SPINK2: variants seen among roughly 807,000 people sequenced by gnomAD.
The protein encoded by SPINK2 is serine peptidase inhibitor Kazal type 2, also known as serine protease inhibitor Kazal-type 2.
Under a neutral mutation model 13.5 loss-of-function variants are expected in SPINK2, and 8 were observed. The ratio of observed to expected loss-of-function variants is 0.59; its 90% CI spans 0.35 to 1.07. The LOEUF (loss-of-function observed/expected upper bound fraction) is 1.07. Among genes scored for constraint, SPINK2 ranks in the 50% least tolerant of loss-of-function variants. The probability of loss-of-function intolerance (pLI) is 0.02; values close to 1 mark genes in which losing one functional copy is unlikely to be tolerated. For missense variants in SPINK2, 148 were observed against 180.3 expected, an observed-to-expected ratio of 0.82 and a Z score of 1.03; for synonymous variants, 76 against 74.7, an observed-to-expected ratio of 1.02 and a Z score of -0.09.
intron 2 of SPINK2, among the ~76,000 whole-genome samples, chr4:56,815,651 G>A (rs563752404): frequency 6.6e-6 from 1 of 152,178 alleles, no homozygotes; most frequent in South Asian, 2.1e-4. Context: ...AGTAAGCTGA[G>A]ATTGTACCAC....
At chr4:56,819,702 G>A (rs888301392) in intron 2 of SPINK2, among the ~76,000 whole-genome samples, 3 of 147,350 alleles carry the variant, frequency 2.0e-5, no homozygotes, top group Middle Eastern at 3.5e-3. Context: ...TGCAACCTTT[G>A]CCTCCCAGGT....
At chr4:56,821,714 C>T (rs112950610), upstream of SPINK2, 2 of 1,392,424 alleles carry the variant, frequency 1.4e-6, no homozygotes, top group African/African-American at 3.4e-5. Context: ...CTGCGCCACT[C>T]GCAGGGAGCG....
At chr4:56,818,521 C>T (rs903679674) in intron 2 of SPINK2, among the ~76,000 whole-genome samples, 9 of 152,006 alleles carry the variant, frequency 5.9e-5, no homozygotes, top group Non-Finnish European at 1.0e-4. Flanking sequence ...ATTAGCCGGG[C>T]GTGGTGGCAC....
chr4:56,821,341 G>GA, intron 1 of SPINK2, 117 bp downstream of exon 1: 1 of 1,399,862 alleles, frequency 7.1e-7, no homozygotes, highest in Non-Finnish European at 9.2e-7. Flanking sequence ...CTTTAACAGA[G>GA]AAAGCGCTCT....
At chr4:56,820,354 G>A (rs745322009) in intron 2 of SPINK2, among the ~76,000 whole-genome samples, 182 bp downstream of exon 2, 9 of 152,188 alleles carry the variant, frequency 5.9e-5, no homozygotes, top group Non-Finnish European at 1.3e-4. Context: ...CAAAGACTGA[G>A]CTGTTTTCAA....
At position 56,815,771 on chromosome 4, in the gene SPINK2, C is replaced by CACACAT. The variant is rs577775356; in HGVS notation, c.250-3978_250-3977insATGTGT. Among the ~76,000 whole-genome samples, 762 of 132,394 alleles carry CACACAT rather than the reference C, an allele frequency of 5.8e-3. 22 individuals are homozygous for CACACAT. In the East Asian group the frequency reaches 0.12, roughly 22 times the overall value. 86.9% of individuals were successfully genotyped at this position (132,394 alleles called of 152,430 possible). On this transcript the variant is annotated intron_variant, in intron 2 of 3. Coordinates refer to ENST00000506738, the MANE Select transcript of SPINK2 (RefSeq NM_001271718.2). ...GAAATTCCTAAGAAATTCACACACA[C>CACACAT]ACACACACACACACACACACACACA...
In SPINK2 at chr4:56,812,415, C is replaced by A. The variant is rs565791161; in HGVS notation, c.250-621G>T. On this transcript the variant is annotated intron_variant, in intron 2 of 3. Transcript: ENST00000506738. ...ACTAAAAAATAAAAAATTAGCCGGG[C>A]ACGGTGGCGCATGCCTGTAATCCCA... Among the ~76,000 whole-genome samples, 74 of 151,206 alleles carry A rather than the reference C, an allele frequency of 4.9e-4. 3 individuals are homozygous for A. The South Asian group carries it at 0.015, about 31-fold the overall frequency.
At chr4:56,820,641 G>GTTTTT in intron 1 of SPINK2, 62 bp from the exon 2 acceptor site, 7 of 1,075,692 alleles carry the variant, frequency 6.5e-6, no homozygotes, top group South Asian at 4.7e-5. Context: ...TGTTCATGAA[G>GTTTTT]TTTTTTTTTT....
At chr4:56,816,274 A>T (rs1717442499) in intron 2 of SPINK2, among the ~76,000 whole-genome samples, 1 of 152,212 alleles carries the variant, frequency 6.6e-6, no homozygotes, top group African/African-American at 2.4e-5. Flanking sequence ...CTCTAGGGCC[A>T]GGCATGGTGG....
chr4:56,811,742 A>C lies in SPINK2; in HGVS notation c.302T>G (p.Val101Gly). Residue 101 changes from valine to glycine, a missense_variant, in exon 3 of 4, where the codon GTG (valine) becomes GGG (glycine). Transcript: ENST00000506738. ...LPGCPRHFNP[V>G]CGSDMSTYAN... ...ATAAGTGGACATGTCACTGCCACAC[A>C]CAGGGTTAAAGTGTCTGGGACATCC... is the stretch of plus-strand genomic sequence containing the variant. 6.2e-7 allele frequency: 1 copy of C among 1,611,810 alleles called. No homozygotes were observed. The highest frequency in any genetic ancestry group is 8.5e-7 in the Non-Finnish European group (1 of 1,178,492).
rs1277557008 is a variant in SPINK2, at chr4:56,815,767, C to CACACACACAT, written c.250-3974_250-3973insATGTGTGTGT. On this transcript the variant is annotated intron_variant, in intron 2 of 3. Transcript: ENST00000506738. ...TATAGAAATTCCTAAGAAATTCACA[C>CACACACACAT]ACACACACACACACACACACACACA... Among the ~76,000 whole-genome samples, 386 of 129,600 alleles carry CACACACACAT rather than the reference C, an allele frequency of 3.0e-3. 17 individuals are homozygous for CACACACACAT. The East Asian group carries it at 0.11, about 38-fold the overall frequency. The allele number at this position is 129,600 out of a possible 152,430, so 85.0% of individuals were successfully genotyped here. A position where few individuals can be genotyped will look rare whatever the true frequency, so the allele number is the denominator to read the frequency against.
intron 2 of SPINK2, 73 bp downstream of exon 2, chr4:56,820,463 A>G: frequency 1.6e-6 from 2 of 1,270,334 alleles, no homozygotes; most frequent in Non-Finnish European, 2.3e-6. Flanking sequence ...CAGACCTGAA[A>G]GCCAGCCTCC....
At chr4:56,820,275 C>T (rs1454359609) in intron 2 of SPINK2, among the ~76,000 whole-genome samples, 1 of 152,188 alleles carries the variant, frequency 6.6e-6, no homozygotes, top group East Asian at 1.9e-4. Flanking sequence ...TGATAAAGTA[C>T]ATAAAATATC....
At chr4:56,813,563 C>T (rs1414973509) in intron 2 of SPINK2, among the ~76,000 whole-genome samples, 7 of 151,534 alleles carry the variant, frequency 4.6e-5, no homozygotes, top group African/African-American at 1.7e-4. Flanking sequence ...CATAGGAGCA[C>T]GAACCCTATT....
chr4:56,815,737 T>C (rs1446773634), intron 2 of SPINK2, among the ~76,000 whole-genome samples: 1 of 148,440 alleles, frequency 6.7e-6, no homozygotes, highest in Non-Finnish European at 1.5e-5. Flanking sequence ...GACACAATCT[T>C]GTTATATAGA....
rs375969300 is a variant in SPINK2, at chr4:56,811,937, C to CTT, written c.250-145_250-144dup. 839 of 173,736 alleles carry CTT rather than the reference C, an allele frequency of 4.8e-3. 4 individuals are homozygous for CTT. Among genetic ancestry groups the CTT allele is most frequent in the African/African-American group, 8.4e-3 (296 of 35,268 alleles). 10.8% of individuals were successfully genotyped at this position (173,736 alleles called of 1,614,324 possible). A position where few individuals can be genotyped will look rare whatever the true frequency, so the allele number is the denominator to read the frequency against. On this transcript the variant is annotated intron_variant, in intron 2 of 3. Transcript: ENST00000506738. ...TTTTTATTTTCCAGAAAAATTTTTTCTTTTTTTTTTTTTTTTTTTGAGACA... is the reference window on the plus strand; with the variant it reads ...TTTTTATTTTCCAGAAAAATTTTTTCTTTTTTTTTTTTTTTTTTTTTGAGACA...
At chr4:56,811,199 G>GA (rs1716945920) in intron 3 of SPINK2, among the ~76,000 whole-genome samples, 1 of 152,154 alleles carries the variant, frequency 6.6e-6, no homozygotes, top group African/African-American at 2.4e-5. Flanking sequence ...AACTTGACCT[G>GA]AAAAATGCAC....
At chr4:56,810,986 GAGTC>G (rs547278008) in intron 3 of SPINK2, among the ~76,000 whole-genome samples, 255 of 152,304 alleles carry the variant, frequency 1.7e-3, no homozygotes, top group African/African-American at 5.9e-3. Context: ...AGACTAAGCA[GAGTC>G]AGTAAGTCCC....
chr4:56,810,375 C>T, intron 3 of SPINK2, 191 bp from the exon 4 acceptor site: 6 of 592,972 alleles, frequency 1.0e-5, no homozygotes, highest in East Asian at 3.1e-5. Flanking sequence ...CATTTTTTTC[C>T]CTAACGCTAG....
Sources: gnomAD v4.1 joint callset for allele counts (sites outside exome capture counted in the v4.1 genomes callset) on GRCh38, gnomAD v4.1.1 for gene constraint, MANE v1.5 for transcripts, NCBI Gene and HGNC (gene_info 2026-07-23, HGNC 2026-07-21) for gene names.